The following LINGO2 variants were observed in gnomAD, a reference collection of about 807,000 sequenced individuals.
LINGO2 encodes the protein leucine-rich repeat and immunoglobulin-like domain-containing nogo receptor-interacting protein 2.
A neutral mutation model predicts 30.6 loss-of-function variants in LINGO2; 14 were observed. The ratio of observed to expected loss-of-function variants is 0.46; its 90% CI spans 0.30 to 0.72. The LOEUF (loss-of-function observed/expected upper bound fraction) is 0.72. LINGO2 is among the 30% of genes least tolerant of loss of function. The pLI, the probability that LINGO2 is intolerant of heterozygous loss-of-function variation, is 0.07. For missense variants in LINGO2, 729 were observed against 751.7 expected (o/e 0.97, Z 0.35); for synonymous variants, 317 against 288.5 (o/e 1.10, Z -1.00).
the LINGO2 span, among the ~76,000 whole-genome samples, chr9:29,039,055 G>C: frequency 6.6e-6 from 1 of 152,082 alleles, no homozygotes; most frequent in Admixed American, 6.6e-5. Flanking sequence ...GTCTTTTCAG[G>C]TTGATCTAAA....
At position 28,348,787 on chromosome 9, in the gene LINGO2, C is replaced by G. The variant is rs367765311; in HGVS notation, c.-246+24049G>C. ...GAAGAGAGCAGTGGTTCTCCCAGCA[C>G]GCAGCTGGAGATCTGAGAACGGGCA... On this transcript the variant is annotated intron_variant, in intron 3 of 5. Transcript: ENST00000379992. Among the ~76,000 whole-genome samples the G allele has an allele frequency of 5.9e-5, 9 of 151,902 alleles. No homozygotes were observed. The East Asian group carries it at 9.7e-4, about 16-fold the overall frequency.
intron 1 of LINGO2, among the ~76,000 whole-genome samples, chr9:28,638,548 G>A (rs947070223): frequency 5.9e-5 from 9 of 152,142 alleles, no homozygotes; most frequent in African/African-American, 2.2e-4. Flanking sequence ...TTAGTCTTGG[G>A]AGGGGGTATG....
At chr9:28,411,137 C>T (rs151195474) in intron 2 of LINGO2, among the ~76,000 whole-genome samples, 188 of 143,672 alleles carry the variant, frequency 1.3e-3, no homozygotes, top group African/African-American at 4.7e-3. Context: ...GGAGAGCCTT[C>T]TAAACAAATA....
chr9:29,143,627 T>G, the LINGO2 span, among the ~76,000 whole-genome samples: 1 of 152,222 alleles, frequency 6.6e-6, no homozygotes, highest in South Asian at 2.1e-4. Flanking sequence ...ATGAAAGCCT[T>G]TCCTAGAATA....
intron 4 of LINGO2, among the ~76,000 whole-genome samples, chr9:28,189,649 G>GAGGAAGGA (rs1453477227): frequency 1.9e-4 from 1 of 5,268 alleles, no homozygotes; most frequent in African/African-American, 6.1e-4. Flanking sequence ...GGAAGGGAGG[G>GAGGAAGGA]AGGAAGGAAG....
chr9:28,626,789 C>A (rs2135854061), intron 1 of LINGO2, among the ~76,000 whole-genome samples: 1 of 151,502 alleles, frequency 6.6e-6, no homozygotes, highest in Non-Finnish European at 1.5e-5. Context: ...ATCTATATCC[C>A]ACCTAGTAAA....
chr9:28,772,372 A>T, the LINGO2 span, among the ~76,000 whole-genome samples: 5 of 152,322 alleles, frequency 3.3e-5, no homozygotes, highest in African/African-American at 1.2e-4. Flanking sequence ...ACTATTAGTA[A>T]CATCCTTTTT....
chr9:28,509,641 G>A (rs1820291165), intron 1 of LINGO2, among the ~76,000 whole-genome samples: 1 of 152,152 alleles, frequency 6.6e-6, no homozygotes, highest in Non-Finnish European at 1.5e-5. Flanking sequence ...GGTCATAAGG[G>A]TGGGACCTCA....
intron 5 of LINGO2, among the ~76,000 whole-genome samples, chr9:28,003,342 T>TATATATAGATAGATAG (rs763522694): frequency 2.4e-3 from 340 of 141,732 alleles, no homozygotes; most frequent in Non-Finnish European, 4.0e-3. Context: ...TATATAGATA[T>TATATATAGATAGATAG]ATAGATAGAT....
chr9:29,140,416 A>T, the LINGO2 span, among the ~76,000 whole-genome samples: 1 of 151,788 alleles, frequency 6.6e-6, no homozygotes, highest in Admixed American at 6.6e-5. Context: ...CAACAGAGGG[A>T]TTTAACAGCA....
intron 5 of LINGO2, among the ~76,000 whole-genome samples, chr9:28,003,995 A>T (rs1822124168): frequency 6.6e-6 from 1 of 152,186 alleles, no homozygotes; most frequent in Admixed American, 6.5e-5. Context: ...AAAAGAGTGA[A>T]TTTGAACCCA....
chr9:28,852,812 T>C, the LINGO2 span, among the ~76,000 whole-genome samples: 1 of 152,048 alleles, frequency 6.6e-6, no homozygotes, highest in African/African-American at 2.4e-5. Flanking sequence ...GTTGCCTAAC[T>C]TTTCCTATAA....
intron 2 of LINGO2, among the ~76,000 whole-genome samples, chr9:28,413,865 T>C (rs1343541971): frequency 6.6e-6 from 1 of 152,120 alleles, no homozygotes; most frequent in Non-Finnish European, 1.5e-5. Context: ...TTAATTATTA[T>C]GATGATCAAA....
At chr9:28,487,753 A>T (rs2135252407) in intron 1 of LINGO2, among the ~76,000 whole-genome samples, 1 of 152,280 alleles carries the variant, frequency 6.6e-6, no homozygotes, top group Non-Finnish European at 1.5e-5. Flanking sequence ...ATCCTAATTT[A>T]TTGCTGATAT....
the LINGO2 span, among the ~76,000 whole-genome samples, chr9:29,166,594 A>G: frequency 1.3e-5 from 2 of 152,160 alleles, no homozygotes; most frequent in African/African-American, 4.8e-5. Flanking sequence ...TTACTCTGTA[A>G]GTGGTATTTT....
chr9:27,948,977 C>T lies in LINGO2; in HGVS notation c.1695G>A (p.Val565=), dbSNP rs113646467. 1.6e-3 allele frequency: 2,619 copies of T among 1,613,866 alleles called. 8 individuals carry two copies. Among genetic ancestry groups the T allele is most frequent in the Middle Eastern group, 4.1e-3 (25 of 6,062 alleles). ...TGTGCTTGCCTTTCCCTCGGCTCCACACAAAAAGGAGAAGAAAACAAAATA... is the reference window on the plus strand; with the variant it reads ...TGTGCTTGCCTTTCCCTCGGCTCCATACAAAAAGGAGAAGAAAACAAAATA... The change falls in exon 6 of 6, where the codon GTG becomes GTA. Residue 565 remains valine, a synonymous_variant. Coordinates refer to ENST00000379992, the Ensembl canonical transcript of LINGO2.
chr9:28,789,206 C>A, the LINGO2 span, among the ~76,000 whole-genome samples: 2 of 151,864 alleles, frequency 1.3e-5, no homozygotes, highest in Admixed American at 1.3e-4. Flanking sequence ...GAAATAAGGT[C>A]CTATGAGTCC....
At position 27,978,499 on chromosome 9, in the gene LINGO2, A is replaced by C. The variant is rs192293361; in HGVS notation, c.-35-27793T>G. ...TTAGTGCCCTTATAAAAGGGACCCC[A>C]GAAACCTCCCTCACCCCTTTCCACC... On this transcript the variant is annotated intron_variant, in intron 5 of 5. Transcript: ENST00000379992. Among the ~76,000 whole-genome samples the C allele has an allele frequency of 3.3e-5, 5 of 152,158 alleles. No individual in the cohort carries two copies. In the East Asian group the frequency reaches 9.7e-4, roughly 30 times the overall value.
the LINGO2 span, among the ~76,000 whole-genome samples, chr9:29,081,208 C>T: frequency 1.3e-5 from 2 of 152,128 alleles, no homozygotes; most frequent in Non-Finnish European, 2.9e-5. Context: ...TCCAGCAGCA[C>T]ATCAAAAAGC....
Sources: gnomAD v4.1 joint callset for allele counts (sites outside exome capture counted in the v4.1 genomes callset) on GRCh38, gnomAD v4.1.1 for gene constraint, MANE v1.5 for transcripts, NCBI Gene and HGNC (gene_info 2026-07-23, HGNC 2026-07-21) for gene names.